The following MARCHF3 variants were observed in gnomAD, a reference collection of about 807,000 sequenced individuals.
MARCHF3 encodes the protein E3 ubiquitin-protein ligase MARCHF3.
Under a neutral mutation model 24.2 loss-of-function variants are expected in MARCHF3, and 13 were observed. The observed-to-expected ratio is 0.54, with a 90% CI of 0.35 to 0.85. The LOEUF (loss-of-function observed/expected upper bound fraction) is 0.85. Ranked by LOEUF, MARCHF3 falls within the 40% of genes least tolerant of loss-of-function variation. The pLI is 0.01. For missense variants in MARCHF3, 276 were observed against 325.0 expected (o/e 0.85, Z 1.16); for synonymous variants, 144 against 137.3 (o/e 1.05, Z -0.34).
Position 126,946,021 on chromosome 5 carries a change from G to A in MARCHF3, c.-56-27794C>T, listed in dbSNP as rs951429280. ...CTGGTAGTCTAGGTCACTCTGGGTA[G>A]TGACCCATTCGTGAGTGGTGAAATC... On this transcript the variant is annotated intron_variant, in intron 1 of 4. Transcript: ENST00000308660. Among the ~76,000 whole-genome samples, 7 of 152,130 alleles carry A rather than the reference G, an allele frequency of 4.6e-5. 1 individual carries two copies. Among genetic ancestry groups the A allele is most frequent in the African/African-American group, 1.7e-4 (7 of 41,426 alleles).
At chr5:126,995,797 A>G (rs1751930871) in intron 1 of MARCHF3, among the ~76,000 whole-genome samples, 2 of 152,246 alleles carry the variant, frequency 1.3e-5, no homozygotes, top group Non-Finnish European at 2.9e-5. Context: ...AATGAATGCT[A>G]AGGGCAGGAA....
rs964372810 is a variant in MARCHF3, at chr5:126,946,069, A to G, written c.-56-27842T>C. On this transcript the variant is annotated intron_variant, in intron 1 of 4. Transcript: ENST00000308660. ...ATCAATTTAGTGAGTCTTGAGTGGC[A>G]CTTAAAAAAATAGAACAGGGGCCGA... Among the ~76,000 whole-genome samples, 4 of 152,164 alleles carry G rather than the reference A, an allele frequency of 2.6e-5. No individual in the cohort carries two copies. The South Asian group carries it at 8.3e-4, about 32-fold the overall frequency.
intron 1 of MARCHF3, among the ~76,000 whole-genome samples, chr5:126,954,894 T>C (rs2126818326): frequency 6.6e-6 from 1 of 152,242 alleles, no homozygotes; most frequent in East Asian, 1.9e-4. Flanking sequence ...AATCCTGCCT[T>C]CCTTTCCCTT....
chr5:126,958,217 G>A (rs960859766), intron 1 of MARCHF3, among the ~76,000 whole-genome samples: 13 of 152,112 alleles, frequency 8.5e-5, no homozygotes, highest in African/African-American at 2.7e-4. Flanking sequence ...TAGATGGGCA[G>A]TAGCTTCCAG....
At chr5:126,996,190 T>C (rs554715585) in intron 1 of MARCHF3, among the ~76,000 whole-genome samples, 5 of 152,166 alleles carry the variant, frequency 3.3e-5, no homozygotes, top group South Asian at 2.1e-4. Flanking sequence ...TCTAAAGTTA[T>C]AGAGGAAAGA....
chr5:126,955,986 A>T (rs1750427756), intron 1 of MARCHF3, among the ~76,000 whole-genome samples: 2 of 152,152 alleles, frequency 1.3e-5, no homozygotes, highest in African/African-American at 4.8e-5. Flanking sequence ...ATGAGACATT[A>T]ATCTACCTTT....
chr5:126,919,705 T>C (rs974104544), intron 1 of MARCHF3, among the ~76,000 whole-genome samples: 3 of 152,232 alleles, frequency 2.0e-5, no homozygotes, highest in Non-Finnish European at 4.4e-5. Context: ...TCAAGCAGGC[T>C]TGACTGTCCA....
intron 1 of MARCHF3, among the ~76,000 whole-genome samples, chr5:126,937,773 A>G (rs1749694453): frequency 1.3e-5 from 2 of 152,330 alleles, no homozygotes; most frequent in South Asian, 4.1e-4. Context: ...GTGAGAAGAA[A>G]GAGTAGGGAA....
rs138770010 is a variant in MARCHF3, at chr5:127,019,486, G to C, written c.-57+10864C>G. On this transcript the variant is annotated intron_variant, in intron 1 of 4. Coordinates refer to ENST00000308660, the MANE Select transcript of MARCHF3 (RefSeq NM_178450.5). ...GCAAAGCAGTTCTGATCAGTGAGTT[G>C]AGAAGTCCTCTGGGATTCTTCTTAG... Among the ~76,000 whole-genome samples, 758 of 152,332 alleles carry C rather than the reference G, an allele frequency of 5.0e-3. 25 individuals are homozygous for C. The highest frequency in any genetic ancestry group is 0.044 in the Admixed American group (677 of 15,298).
intron 1 of MARCHF3, among the ~76,000 whole-genome samples, chr5:126,996,189 AT>A (rs1751942176): frequency 6.6e-6 from 1 of 152,174 alleles, no homozygotes; most frequent in African/African-American, 2.4e-5. Context: ...CTCTAAAGTT[AT>A]AGAGGAAAGA....
intron 1 of MARCHF3, among the ~76,000 whole-genome samples, chr5:127,012,752 A>G (rs917217663): frequency 5.9e-5 from 9 of 152,228 alleles, no homozygotes; most frequent in African/African-American, 2.2e-4. Flanking sequence ...AGTAAAGTTG[A>G]TTTACTAGGC....
chr5:126,873,165 C>T (rs1753030456), intron 4 of MARCHF3, among the ~76,000 whole-genome samples: 1 of 152,110 alleles, frequency 6.6e-6, no homozygotes, highest in Non-Finnish European at 1.5e-5. Flanking sequence ...CGGAGCCAGG[C>T]ACACGGGCCT....
intron 1 of MARCHF3, among the ~76,000 whole-genome samples, chr5:126,978,672 C>T (rs1751287762): frequency 6.6e-6 from 1 of 152,248 alleles, no homozygotes; most frequent in Non-Finnish European, 1.5e-5. Context: ...TCACTGCCCA[C>T]TGGACCTCTA....
intron 1 of MARCHF3, among the ~76,000 whole-genome samples, chr5:126,948,369 G>A (rs576855963): frequency 5.9e-5 from 9 of 152,242 alleles, no homozygotes; most frequent in African/African-American, 2.2e-4. Context: ...CTGCAAATAC[G>A]TAGCCCTCCC....
chr5:126,870,813 TAAGAG>T (rs764941202), intron 4 of MARCHF3, 22 bp from the exon 5 acceptor site: 46 of 1,612,056 alleles, frequency 2.9e-5, no homozygotes, highest in African/African-American at 4.0e-5. Context: ...AGAGGAAAAG[TAAGAG>T]AAAAGAATTC....
chr5:126,914,360 C>T (rs1034292212), intron 3 of MARCHF3, among the ~76,000 whole-genome samples: 1 of 151,948 alleles, frequency 6.6e-6, no homozygotes, highest in African/African-American at 2.4e-5. Context: ...TCATTCAAAC[C>T]GTTGCATATG....
At chr5:126,935,863 G>A (rs1368695978) in intron 1 of MARCHF3, among the ~76,000 whole-genome samples, 4 of 151,768 alleles carry the variant, frequency 2.6e-5, no homozygotes, top group African/African-American at 4.8e-5. Context: ...CACCCACCTC[G>A]GCCTCCCAAA....
Position 126,876,014 on chromosome 5 carries a change from C to A in MARCHF3, c.603+2171G>T, listed in dbSNP as rs906482789. Among the ~76,000 whole-genome samples the A allele has an allele frequency of 3.3e-5, 5 of 152,038 alleles. No homozygotes were observed. In the South Asian group the frequency reaches 1.0e-3, roughly 32 times the overall value. On this transcript the variant is annotated intron_variant, in intron 4 of 4. Coordinates refer to ENST00000308660, the MANE Select transcript of MARCHF3 (RefSeq NM_178450.5). ...TTCTAAACGCATGCATAGCACTGCC[C>A]GTGAGAAACATTTCTGGAATGAAGT... is the stretch of plus-strand genomic sequence containing the variant.
rs543523480 is a variant in MARCHF3, at chr5:126,936,301, G to A, written c.-56-18074C>T. Among the ~76,000 whole-genome samples the A allele has an allele frequency of 2.9e-4, 44 of 152,232 alleles. 2 individuals are homozygous for A. The East Asian group carries it at 3.7e-3, about 13-fold the overall frequency. On this transcript the variant is annotated intron_variant, in intron 1 of 4. Coordinates refer to ENST00000308660, the MANE Select transcript of MARCHF3 (RefSeq NM_178450.5). ...GAAATGCAAACAAGGACTTATGCAC[G>A]ATCTGCAGTACTTTTTAATACTCTT...
Sources: allele counts gnomAD v4.1 joint callset (sites outside exome capture counted in the v4.1 genomes callset), GRCh38; gene constraint gnomAD v4.1.1; transcripts MANE v1.5; gene names NCBI Gene and HGNC (gene_info 2026-07-23, HGNC 2026-07-21).